Variants in MACROD2 observed in about 807,000 individuals in gnomAD.
MACROD2 encodes mono-ADP ribosylhydrolase 2.
In MACROD2, 36 loss-of-function variants were observed where a neutral mutation model predicts 70.4. The observed-to-expected ratio is 0.51, with a 90% CI of 0.39 to 0.68. The LOEUF is 0.68. Among genes scored for constraint, MACROD2 ranks in the 30% least tolerant of loss-of-function variants. The pLI is 0.00. For missense variants in MACROD2, 496 were observed against 538.4 expected (o/e 0.92, Z 0.78); for synonymous variants, 172 against 178.8 (o/e 0.96, Z 0.30).
chr20:15,521,875 T>G (rs576127641), intron 8 of MACROD2, among the ~76,000 whole-genome samples: 13 of 152,254 alleles, frequency 8.5e-5, no homozygotes, highest in Non-Finnish European at 1.3e-4. Flanking sequence ...TAGTGAAAGT[T>G]GAAGGAGCCA....
intron 6 of MACROD2, among the ~76,000 whole-genome samples, chr20:15,290,692 C>G (rs749282637): frequency 1.1e-4 from 16 of 152,204 alleles, no homozygotes; most frequent in African/African-American, 3.9e-4. Flanking sequence ...CATTAAGATA[C>G]AAGCCAGCAT....
intron 5 of MACROD2, among the ~76,000 whole-genome samples, chr20:14,897,266 G>T (rs768572190): frequency 3.9e-5 from 6 of 152,042 alleles, no homozygotes; most frequent in Non-Finnish European, 7.4e-5. Context: ...CTTTGAAGGT[G>T]GGTGTCTAAT....
intron 6 of MACROD2, among the ~76,000 whole-genome samples, chr20:15,313,771 T>C (rs1246104781): frequency 6.6e-6 from 1 of 152,190 alleles, no homozygotes; most frequent in Non-Finnish European, 1.5e-5. Context: ...TGTCTATGTG[T>C]ATGTTGGATA....
rs141796480 is a variant in MACROD2 at position 14,429,938 on chromosome 20, A to C, written c.272-63541A>C. The stretch of plus-strand genomic sequence containing the variant: ...TAGTAACTTCATCATTAATGCAGCC[A>C]TTATTGCATTTTCTTTCTTTTCTCG... On this transcript the variant is annotated intron_variant, in intron 3 of 17. Coordinates refer to ENST00000684519, the MANE Select transcript of MACROD2 (RefSeq NM_001351661.2). Among the ~76,000 whole-genome samples the C allele has an allele frequency of 4.5e-4, 68 of 152,234 alleles. 1 individual carries two copies. Among genetic ancestry groups the C allele is most frequent in the African/African-American group, 1.5e-3 (62 of 41,550 alleles).
intron 8 of MACROD2, among the ~76,000 whole-genome samples, chr20:15,699,069 C>A (rs1264595978): frequency 1.3e-5 from 2 of 152,138 alleles, no homozygotes; most frequent in Non-Finnish European, 2.9e-5. Context: ...CTCCAGGATT[C>A]TTTTTCAGGT....
chr20:15,018,540 G>A (rs563399126), intron 5 of MACROD2, among the ~76,000 whole-genome samples: 2 of 152,108 alleles, frequency 1.3e-5, no homozygotes, highest in South Asian at 2.1e-4. Context: ...CCCACTGTAC[G>A]GGTACCAATT....
intron 3 of MACROD2, among the ~76,000 whole-genome samples, chr20:14,408,392 AG>A (rs1231263045): frequency 1.3e-5 from 2 of 152,188 alleles, no homozygotes; most frequent in African/African-American, 4.8e-5. Flanking sequence ...GCACTTCAGT[AG>A]ACCACACCAA....
chr20:15,585,631 G>A (rs1264621473), intron 8 of MACROD2, among the ~76,000 whole-genome samples: 3 of 152,156 alleles, frequency 2.0e-5, no homozygotes, highest in Non-Finnish European at 4.4e-5. Flanking sequence ...CCCCAGGGAT[G>A]GGATCATTCT....
chr20:14,712,105 A>C (rs2123664589), intron 5 of MACROD2, among the ~76,000 whole-genome samples: 1 of 152,248 alleles, frequency 6.6e-6, no homozygotes, highest in Middle Eastern at 3.4e-3. Context: ...TTTTGCAAAA[A>C]TTTTGAGGGT....
chr20:15,557,215 A>G (rs2048179983), intron 8 of MACROD2, among the ~76,000 whole-genome samples: 1 of 100,222 alleles, frequency 1.0e-5, no homozygotes, highest in Non-Finnish European at 1.8e-5. Context: ...AGATTCCTTA[A>G]AAAAAAAAAA....
chr20:14,120,234 A>AAAAG (rs1555922267), intron 3 of MACROD2, among the ~76,000 whole-genome samples: 3 of 147,508 alleles, frequency 2.0e-5, no homozygotes, highest in Non-Finnish European at 3.0e-5. Flanking sequence ...AAAAAAAAAA[A>AAAAG]GAAGAAGACA....
intron 5 of MACROD2, among the ~76,000 whole-genome samples, chr20:14,730,738 G>A (rs1401231808): frequency 1.3e-5 from 2 of 152,000 alleles, no homozygotes; most frequent in Non-Finnish European, 2.9e-5. Context: ...AATATTGACT[G>A]TATAAACCAA....
chr20:14,527,455 C>T (rs571292213), intron 4 of MACROD2, among the ~76,000 whole-genome samples: 1 of 152,020 alleles, frequency 6.6e-6, no homozygotes, highest in Non-Finnish European at 1.5e-5. Context: ...ACTCTCTTCC[C>T]TTCCCAGCAC....
chr20:15,158,284 A>G (rs1299682146), intron 5 of MACROD2, among the ~76,000 whole-genome samples: 2 of 152,214 alleles, frequency 1.3e-5, no homozygotes, highest in South Asian at 4.1e-4. Flanking sequence ...AAATGATAAG[A>G]CAGTAATTAT....
At chr20:14,401,335 C>G (rs1241809022) in intron 3 of MACROD2, among the ~76,000 whole-genome samples, 1 of 152,084 alleles carries the variant, frequency 6.6e-6, no homozygotes, top group Non-Finnish European at 1.5e-5. Context: ...ATTGCTGAGT[C>G]AACTGGTATT....
chr20:15,543,113 A>G (rs2047979992), intron 8 of MACROD2, among the ~76,000 whole-genome samples: 1 of 152,196 alleles, frequency 6.6e-6, no homozygotes, highest in South Asian at 2.1e-4. Context: ...GCTTCCCGGA[A>G]TGTTTTATAT....
intron 3 of MACROD2, among the ~76,000 whole-genome samples, chr20:14,475,532 G>A (rs1481163920): frequency 6.6e-6 from 1 of 151,246 alleles, no homozygotes; most frequent in Non-Finnish European, 1.5e-5. Context: ...TCACACATTA[G>A]CATCCTTTTC....
chr20:14,163,121 A>T (rs1276927903), intron 3 of MACROD2, among the ~76,000 whole-genome samples: 3 of 152,044 alleles, frequency 2.0e-5, no homozygotes, highest in Non-Finnish European at 4.4e-5. Context: ...TTAAGCCTTT[A>T]TTGGAGGATG....
intron 5 of MACROD2, among the ~76,000 whole-genome samples, chr20:14,874,704 T>A (rs980719681): frequency 6.6e-6 from 1 of 151,144 alleles, no homozygotes; most frequent in Non-Finnish European, 1.5e-5. Context: ...TTTATTTATT[T>A]ATTTATTTAT....
Sources: allele counts gnomAD v4.1 joint callset (sites outside exome capture counted in the v4.1 genomes callset), GRCh38; gene constraint gnomAD v4.1.1; transcripts MANE v1.5; gene names NCBI Gene and HGNC (gene_info 2026-07-23, HGNC 2026-07-21).